GALNT13: variants seen among roughly 807,000 people sequenced by gnomAD.
The protein encoded by GALNT13 is polypeptide N-acetylgalactosaminyltransferase 13.
Under a neutral mutation model 64.2 loss-of-function variants are expected in GALNT13, and 28 were observed. That is an observed-to-expected ratio of 0.44 (90% CI 0.32 to 0.60). GALNT13 has a LOEUF of 0.60. Ranked by LOEUF, GALNT13 falls within the 20% of genes least tolerant of loss-of-function variation. GALNT13 has a pLI of 0.05. For missense variants in GALNT13, 577 were observed against 669.8 expected, an observed-to-expected ratio of 0.86 and a Z score of 1.53; for synonymous variants, 214 against 224.6, an observed-to-expected ratio of 0.95 and a Z score of 0.42.
chr2:154,314,941 T>A (rs1694246190), intron 9 of GALNT13, among the ~76,000 whole-genome samples: 1 of 152,196 alleles, frequency 6.6e-6, no homozygotes, highest in South Asian at 2.1e-4. Context: ...ACTCATTTTT[T>A]GGCTATTTTA....
the GALNT13 span, among the ~76,000 whole-genome samples, chr2:153,394,775 G>T: frequency 6.6e-6 from 1 of 152,074 alleles, no homozygotes; most frequent in Non-Finnish European, 1.5e-5. Flanking sequence ...TTCTGTTGCT[G>T]TGTAAATACT....
chr2:153,803,609 G>A, the GALNT13 span, among the ~76,000 whole-genome samples: 4 of 150,104 alleles, frequency 2.7e-5, no homozygotes, highest in South Asian at 4.2e-4. Context: ...GGAGAACGGC[G>A]TGAACCCTGG....
chr2:153,596,697 A>G, the GALNT13 span, among the ~76,000 whole-genome samples: 2 of 152,088 alleles, frequency 1.3e-5, no homozygotes, highest in Non-Finnish European at 2.9e-5. Flanking sequence ...ATATGCACAT[A>G]ATGCTGGAAA....
the GALNT13 span, among the ~76,000 whole-genome samples, chr2:153,511,322 G>T: frequency 6.6e-6 from 1 of 151,898 alleles, no homozygotes; most frequent in African/African-American, 2.4e-5. Flanking sequence ...GATTAGGGAT[G>T]ACCCAAGCAG....
chr2:153,673,911 A>G, the GALNT13 span, among the ~76,000 whole-genome samples: 1 of 152,216 alleles, frequency 6.6e-6, no homozygotes, highest in African/African-American at 2.4e-5. Context: ...CACCAGTAAC[A>G]GACAAACAGA....
At chr2:154,116,491 A>G (rs1215456026) in intron 3 of GALNT13, among the ~76,000 whole-genome samples, 1 of 152,178 alleles carries the variant, frequency 6.6e-6, no homozygotes, top group East Asian at 1.9e-4. Flanking sequence ...TGAAACAGGG[A>G]GTTGCAATCC....
the GALNT13 span, among the ~76,000 whole-genome samples, chr2:153,482,482 T>C: frequency 6.6e-6 from 1 of 152,194 alleles, no homozygotes; most frequent in Non-Finnish European, 1.5e-5. Flanking sequence ...TTTGTTTTTG[T>C]TTTTTGAGAT....
rs573641572 is a variant in GALNT13, at chr2:154,448,241, C to T, written c.1531-2170C>T. On this transcript the variant is annotated intron_variant, in intron 12 of 12. Transcript: ENST00000392825. ...GTATATATATGCAATTTATCAGTTGCAGATGCAGTTTATCAATCAGAGTTC... is the reference window on the plus strand; with the variant it reads ...GTATATATATGCAATTTATCAGTTGTAGATGCAGTTTATCAATCAGAGTTC... Among the ~76,000 whole-genome samples, 5 of 151,940 alleles carry T rather than the reference C, an allele frequency of 3.3e-5. No individual in the cohort carries two copies. In the South Asian group the frequency reaches 1.0e-3, roughly 31 times the overall value.
chr2:153,281,226 A>T, the GALNT13 span, among the ~76,000 whole-genome samples: 2 of 151,294 alleles, frequency 1.3e-5, no homozygotes, highest in Non-Finnish European at 2.9e-5. Context: ...TTCTGTTTGC[A>T]TGATGGATCT....
chr2:154,291,602 C>G (rs532319973), intron 8 of GALNT13, among the ~76,000 whole-genome samples: 27 of 152,282 alleles, frequency 1.8e-4, no homozygotes, highest in African/African-American at 6.5e-4. Context: ...GGTGCGGGGC[C>G]CACCGAACCC....
the GALNT13 span, among the ~76,000 whole-genome samples, chr2:153,347,420 TCCAAA>T: frequency 3.9e-5 from 6 of 152,182 alleles, no homozygotes; most frequent in African/African-American, 1.4e-4. Context: ...AAGTCACAAA[TCCAAA>T]GATAAGTTTA....
At chr2:153,246,064 C>A in the GALNT13 span, among the ~76,000 whole-genome samples, 6 of 151,190 alleles carry the variant, frequency 4.0e-5, no homozygotes, top group South Asian at 1.3e-3. Context: ...TTGATGATCA[C>A]TTTGCTGAAA....
At chr2:153,224,957 T>A in the GALNT13 span, among the ~76,000 whole-genome samples, 1 of 152,216 alleles carries the variant, frequency 6.6e-6, no homozygotes, top group Non-Finnish European at 1.5e-5. Flanking sequence ...GCAGAGGAAA[T>A]GCTTCTTAAC....
chr2:153,739,044 A>G, the GALNT13 span, among the ~76,000 whole-genome samples: 2 of 151,828 alleles, frequency 1.3e-5, no homozygotes, highest in Non-Finnish European at 3.0e-5. Flanking sequence ...TTATTTTGGG[A>G]TGCTTTTGAA....
chr2:154,245,581 T>G (rs1359515022), intron 6 of GALNT13, among the ~76,000 whole-genome samples: 2 of 152,190 alleles, frequency 1.3e-5, no homozygotes, highest in Non-Finnish European at 2.9e-5. Context: ...GTACTTAGAA[T>G]GCATTTGGAA....
At chr2:153,792,843 C>T in the GALNT13 span, among the ~76,000 whole-genome samples, 3 of 151,970 alleles carry the variant, frequency 2.0e-5, no homozygotes, top group South Asian at 2.1e-4. Flanking sequence ...GCAAAAAAGT[C>T]GTATTACAAA....
chr2:153,403,588 G>T, the GALNT13 span, among the ~76,000 whole-genome samples: 3 of 152,178 alleles, frequency 2.0e-5, no homozygotes, highest in South Asian at 4.1e-4. Flanking sequence ...AGACTCCCTG[G>T]GCGTAGGACC....
intron 9 of GALNT13, among the ~76,000 whole-genome samples, chr2:154,370,587 G>C (rs1181407793): frequency 6.6e-6 from 1 of 152,058 alleles, no homozygotes; most frequent in African/African-American, 2.4e-5. Flanking sequence ...CTGCTGTGTG[G>C]TTAGAGGTAC....
chr2:153,254,741 A>G, the GALNT13 span, among the ~76,000 whole-genome samples: 1 of 151,952 alleles, frequency 6.6e-6, no homozygotes, highest in Non-Finnish European at 1.5e-5. Context: ...GTAATCATTC[A>G]GGAGCAGGTT....
Sources: allele counts gnomAD v4.1 joint callset (sites outside exome capture counted in the v4.1 genomes callset), GRCh38; gene constraint gnomAD v4.1.1; transcripts MANE v1.5; gene names NCBI Gene and HGNC (gene_info 2026-07-23, HGNC 2026-07-21).